Variants in PPARGC1A observed in about 807,000 individuals in gnomAD.
PPARGC1A encodes peroxisome proliferator-activated receptor gamma coactivator 1-alpha.
In PPARGC1A, 25 loss-of-function variants were observed where a neutral mutation model predicts 88.7. That is an observed-to-expected ratio of 0.28 (90% CI 0.21 to 0.39). The LOEUF is 0.39. Ranked by LOEUF, PPARGC1A falls within the 10% of genes least tolerant of loss-of-function variation. The probability of loss-of-function intolerance (pLI) is 1.00; values close to 1 mark genes in which losing one functional copy is unlikely to be tolerated. For synonymous variants in PPARGC1A, 363 were observed against 355.6 expected (o/e 1.02, Z -0.24); for missense variants, 880 against 968.7 (o/e 0.91, Z 1.22).
At chr4:24,047,319 C>A in the PPARGC1A span, among the ~76,000 whole-genome samples, 1 of 152,186 alleles carries the variant, frequency 6.6e-6, no homozygotes, top group African/African-American at 2.4e-5. Context: ...AAATTAAACT[C>A]CTTGATTAGG....
chr4:24,272,638 T>C, the PPARGC1A span, among the ~76,000 whole-genome samples: 2 of 152,198 alleles, frequency 1.3e-5, no homozygotes, highest in African/African-American at 4.8e-5. Flanking sequence ...GCACAACTCT[T>C]CCAGTTCCAA....
At chr4:24,079,630 C>CT in the PPARGC1A span, among the ~76,000 whole-genome samples, 1 of 151,920 alleles carries the variant, frequency 6.6e-6, no homozygotes, top group African/African-American at 2.4e-5. Flanking sequence ...AATTGTCACT[C>CT]TTTTTTCATT....
At chr4:23,997,020 A>G in the PPARGC1A span, among the ~76,000 whole-genome samples, 1 of 152,206 alleles carries the variant, frequency 6.6e-6, no homozygotes, top group Admixed American at 6.5e-5. Context: ...GCTATGATCA[A>G]TTAGTGATGT....
At chr4:23,894,217 C>G (rs1182801439), upstream of PPARGC1A, among the ~76,000 whole-genome samples, 5 of 152,106 alleles carry the variant, frequency 3.3e-5, no homozygotes, top group Admixed American at 2.0e-4. Flanking sequence ...GTCCAGAAAG[C>G]AAAGGGGCCT....
At chr4:23,961,948 G>A in the PPARGC1A span, among the ~76,000 whole-genome samples, 1 of 152,088 alleles carries the variant, frequency 6.6e-6, no homozygotes, top group Non-Finnish European at 1.5e-5. Flanking sequence ...CAAAGAAATG[G>A]GTTTGCAGAT....
the PPARGC1A span, among the ~76,000 whole-genome samples, chr4:24,117,402 T>C: frequency 6.6e-6 from 1 of 152,138 alleles, no homozygotes; most frequent in Admixed American, 6.6e-5. Context: ...GATGATGCTG[T>C]TGTTTTTGTA....
the PPARGC1A span, among the ~76,000 whole-genome samples, chr4:24,087,243 A>C: frequency 6.6e-6 from 1 of 152,194 alleles, no homozygotes; most frequent in African/African-American, 2.4e-5. Context: ...TCTTGATGTA[A>C]AATCGAAGGC....
chr4:23,939,678 C>T, the PPARGC1A span, among the ~76,000 whole-genome samples: 1 of 152,090 alleles, frequency 6.6e-6, no homozygotes, highest in Non-Finnish European at 1.5e-5. Context: ...ATAGAGATCC[C>T]CAATTCAACA....
the PPARGC1A span, among the ~76,000 whole-genome samples, chr4:24,449,380 C>T: frequency 6.6e-6 from 1 of 152,236 alleles, no homozygotes; most frequent in South Asian, 2.1e-4. Context: ...GGTCCTATAA[C>T]ACTTCCTGTT....
chr4:24,402,564 A>G, the PPARGC1A span, among the ~76,000 whole-genome samples: 2 of 152,220 alleles, frequency 1.3e-5, no homozygotes, highest in Non-Finnish European at 2.9e-5. Flanking sequence ...AGGACAGATA[A>G]TTAAACACCA....
the PPARGC1A span, among the ~76,000 whole-genome samples, chr4:24,063,697 G>A: frequency 6.6e-6 from 1 of 152,104 alleles, no homozygotes; most frequent in Non-Finnish European, 1.5e-5. Context: ...AAGGGGCACT[G>A]GGCTGGAACC....
At chr4:24,042,601 T>C in the PPARGC1A span, among the ~76,000 whole-genome samples, 1 of 152,196 alleles carries the variant, frequency 6.6e-6, no homozygotes, top group East Asian at 1.9e-4. Flanking sequence ...GCCAATGCAA[T>C]AGATACCGGA....
At chr4:23,929,221 GAGGT>G in the PPARGC1A span, among the ~76,000 whole-genome samples, 1 of 152,120 alleles carries the variant, frequency 6.6e-6, no homozygotes, top group Non-Finnish European at 1.5e-5. Context: ...TCAACCCAGG[GAGGT>G]ACATAGAACA....
the PPARGC1A span, among the ~76,000 whole-genome samples, chr4:24,327,879 T>A: frequency 6.6e-6 from 1 of 152,154 alleles, no homozygotes; most frequent in Non-Finnish European, 1.5e-5. Context: ...TGCACGTGTA[T>A]GCCCAGATGG....
intron 2 of PPARGC1A, among the ~76,000 whole-genome samples, chr4:23,863,436 A>G (rs1190214098): frequency 6.6e-6 from 1 of 152,116 alleles, no homozygotes; most frequent in African/African-American, 2.4e-5. Flanking sequence ...TGAAATGAGC[A>G]TGCTAGATGA....
chr4:24,396,073 T>C, the PPARGC1A span, among the ~76,000 whole-genome samples: 2 of 152,130 alleles, frequency 1.3e-5, no homozygotes, highest in Non-Finnish European at 2.9e-5. Context: ...AGACTCAACC[T>C]GTTACTGATC....
chr4:24,411,563 C>G, the PPARGC1A span, among the ~76,000 whole-genome samples: 1 of 152,136 alleles, frequency 6.6e-6, no homozygotes, highest in African/African-American at 2.4e-5. Context: ...TTCACGGTTG[C>G]TATTACACAT....
At chr4:24,420,304 TGATGG>T in the PPARGC1A span, among the ~76,000 whole-genome samples, 1 of 152,332 alleles carries the variant, frequency 6.6e-6, no homozygotes, top group South Asian at 2.1e-4. Context: ...AAATAGTTTG[TGATGG>T]GATGTGCTTT....
intron 2 of PPARGC1A, chr4:23,880,896 A>G (rs11734408): frequency 0.21 from 32,594 of 152,138 alleles, 4,371 homozygotes; most frequent in Non-Finnish European, 0.3. Context: ...CTCACTTGCC[A>G]TCATTCTAAC....
Sources: allele counts gnomAD v4.1 joint callset (sites outside exome capture counted in the v4.1 genomes callset), GRCh38; gene constraint gnomAD v4.1.1; transcripts MANE v1.5; gene names NCBI Gene and HGNC (gene_info 2026-07-23, HGNC 2026-07-21).